TFCP2: variants seen among roughly 807,000 people sequenced by gnomAD.
TFCP2 encodes the protein alpha-globin transcription factor CP2.
A neutral mutation model predicts 73.4 loss-of-function variants in TFCP2; 33 were observed. The ratio of observed to expected loss-of-function variants is 0.45; its 90% CI spans 0.34 to 0.60. The LOEUF is 0.60. Ranked by LOEUF, TFCP2 falls within the 20% of genes least tolerant of loss-of-function variation. TFCP2 has a pLI of 0.01. For missense variants in TFCP2, 352 were observed against 604.0 expected (o/e 0.58, Z 4.37); for synonymous variants, 193 against 211.6 (o/e 0.91, Z 0.76).
chr12:51,103,822 G>A, intron 9 of TFCP2, 59 bp from the exon 10 acceptor site: 2 of 1,371,672 alleles, frequency 1.5e-6, no homozygotes, highest in East Asian at 4.6e-5. Flanking sequence ...ACCCCATTAG[G>A]TAACACATAG....
chr12:51,104,929 G>C (rs908909460), intron 8 of TFCP2, among the ~76,000 whole-genome samples: 1 of 151,734 alleles, frequency 6.6e-6, no homozygotes, highest in African/African-American at 2.4e-5. Flanking sequence ...AGCCAGGATG[G>C]TCTCGATCTC....
At chr12:51,103,944 T>A in intron 9 of TFCP2, 181 bp from the exon 10 acceptor site, 1 of 696,120 alleles carries the variant, frequency 1.4e-6, no homozygotes, top group South Asian at 1.8e-5. Flanking sequence ...CCCACTAGAC[T>A]ATAAGCTGCT....
At chr12:51,116,279 A>G in intron 4 of TFCP2, 36 bp downstream of exon 4, 1 of 1,261,038 alleles carries the variant, frequency 7.9e-7, no homozygotes, top group Non-Finnish European at 1.1e-6. Flanking sequence ...TCCATAGCTA[A>G]AGGCATTTCC....
intron 1 of TFCP2, among the ~76,000 whole-genome samples, chr12:51,140,634 C>T (rs1208317813): frequency 6.6e-6 from 1 of 151,136 alleles, no homozygotes; most frequent in Non-Finnish European, 1.5e-5. Flanking sequence ...ACACTGTCAC[C>T]CAGGCTGGAG....
intron 1 of TFCP2, among the ~76,000 whole-genome samples, chr12:51,162,416 A>G (rs1312573966): frequency 6.7e-6 from 1 of 149,966 alleles, no homozygotes; most frequent in Non-Finnish European, 1.5e-5. Context: ...ACTGCACTTG[A>G]GCCTGGGTGA....
intron 1 of TFCP2, among the ~76,000 whole-genome samples, chr12:51,136,424 T>C (rs1485847935): frequency 2.6e-5 from 4 of 152,180 alleles, no homozygotes. Flanking sequence ...CCCCTCATGT[T>C]TTCTTCCTCT....
At chr12:51,130,935 C>T (rs760123089) in intron 1 of TFCP2, among the ~76,000 whole-genome samples, 1 of 151,892 alleles carries the variant, frequency 6.6e-6, no homozygotes, top group Non-Finnish European at 1.5e-5. Flanking sequence ...TTGCAGTGAG[C>T]CGAGATTGCG....
intron 1 of TFCP2, among the ~76,000 whole-genome samples, chr12:51,152,605 T>C (rs1050792898): frequency 6.6e-6 from 1 of 152,184 alleles, no homozygotes; most frequent in Non-Finnish European, 1.5e-5. Context: ...ATCTGCCTTT[T>C]ACCTTTAAAT....
intron 1 of TFCP2, among the ~76,000 whole-genome samples, chr12:51,147,924 A>T (rs767584632): frequency 6.6e-6 from 1 of 152,194 alleles, no homozygotes; most frequent in Non-Finnish European, 1.5e-5. Flanking sequence ...TCCACAAGGA[A>T]CTCAAACAAA....
chr12:51,162,173 C>T (rs1448743281), intron 1 of TFCP2, among the ~76,000 whole-genome samples: 1 of 152,022 alleles, frequency 6.6e-6, no homozygotes, highest in Non-Finnish European at 1.5e-5. Context: ...AGGCTGGGCA[C>T]AGTGGCTCAC....
At chr12:51,141,772 G>A (rs989915520) in intron 1 of TFCP2, among the ~76,000 whole-genome samples, 1 of 151,612 alleles carries the variant, frequency 6.6e-6, no homozygotes, top group African/African-American at 2.4e-5. Flanking sequence ...TGGGCATGGT[G>A]GCGCACGCCT....
chr12:51,097,821 A>C (rs538265266), intron 13 of TFCP2, among the ~76,000 whole-genome samples: 6 of 152,058 alleles, frequency 3.9e-5, no homozygotes, highest in African/African-American at 1.4e-4. Context: ...GTTCGAGACC[A>C]GACTGGCCAC....
chr12:51,153,538 T>C (rs1941473988), intron 1 of TFCP2, among the ~76,000 whole-genome samples: 1 of 137,448 alleles, frequency 7.3e-6, no homozygotes, highest in South Asian at 2.5e-4. Flanking sequence ...CAATCTAAAA[T>C]TCTGTGCCCA....
chr12:51,118,380 C>T (rs967924896), intron 2 of TFCP2, among the ~76,000 whole-genome samples: 4 of 152,104 alleles, frequency 2.6e-5, no homozygotes, highest in Admixed American at 6.6e-5. Context: ...CGATGAAACC[C>T]TATCTCTACT....
chr12:51,165,987 G>C (rs747974649), intron 1 of TFCP2, among the ~76,000 whole-genome samples: 6 of 152,054 alleles, frequency 3.9e-5, no homozygotes, highest in Non-Finnish European at 8.8e-5. Flanking sequence ...ACTCCAGCCT[G>C]GGCAACAGAG....
chr12:51,155,670 TATAATCCTTTTA>T lies in TFCP2; in HGVS notation c.122+16619_122+16630del, dbSNP rs573719334. On this transcript the variant is annotated intron_variant, in intron 1 of 14. Coordinates refer to ENST00000257915, the MANE Select transcript of TFCP2 (RefSeq NM_005653.5). ...TTTCATGTGCTTATTGGTCATGGTG[TATAATCCTTTTA>T]ATATGCTGTTAAATCTGGTTTGCTG... Among the ~76,000 whole-genome samples, 281 of 152,358 alleles carry T rather than the reference TATAATCCTTTTA, an allele frequency of 1.8e-3. 2 individuals are homozygous for T. The highest frequency in any genetic ancestry group is 4.1e-3 in the Admixed American group (63 of 15,304).
intron 1 of TFCP2, among the ~76,000 whole-genome samples, chr12:51,132,357 C>CTTTTTTTTT (rs869123355): frequency 0.067 from 4,162 of 61,758 alleles, 1,573 homozygotes; most frequent in Non-Finnish European, 0.091. Context: ...AGGGATTAGT[C>CTTTTTTTTT]TTTTTTTTTT....
intron 1 of TFCP2, among the ~76,000 whole-genome samples, chr12:51,125,866 GAT>G (rs1940802035): frequency 6.6e-6 from 1 of 152,118 alleles, no homozygotes; most frequent in South Asian, 2.1e-4. Flanking sequence ...GGGAGGCTAA[GAT>G]GGGCGGATCA....
intron 1 of TFCP2, among the ~76,000 whole-genome samples, chr12:51,136,317 A>G (rs1170524873): frequency 1.4e-5 from 2 of 139,864 alleles, no homozygotes; most frequent in African/African-American, 5.2e-5. Context: ...AAAAAAAAAA[A>G]GAAAAAGAAA....
Sources: allele counts gnomAD v4.1 joint callset (sites outside exome capture counted in the v4.1 genomes callset), GRCh38; gene constraint gnomAD v4.1.1; transcripts MANE v1.5; gene names NCBI Gene and HGNC (gene_info 2026-07-23, HGNC 2026-07-21).